Variants in PTPRM observed in about 807,000 individuals in gnomAD.
PTPRM encodes receptor-type tyrosine-protein phosphatase mu.
Under a neutral mutation model 186.7 loss-of-function variants are expected in PTPRM, and 47 were observed. The observed-to-expected ratio is 0.25, with a 90% confidence interval of 0.20 to 0.32. The LOEUF is 0.32. Ranked by LOEUF, PTPRM falls within the 10% of genes least tolerant of loss-of-function variation. PTPRM has a pLI of 1.00. For missense variants in PTPRM, 1,494 were observed against 1,865.0 expected (o/e 0.80, Z 3.66); for synonymous variants, 668 against 674.9 (o/e 0.99, Z 0.16).
In PTPRM at chr18:7,567,936, G is replaced by C. The variant is rs746197317; in HGVS notation, c.73+45G>C. 3 of 1,514,622 alleles carry C rather than the reference G, an allele frequency of 2.0e-6. No individual in the cohort carries two copies. The South Asian group carries it at 3.7e-5, about 19-fold the overall frequency. 93.8% of individuals were successfully genotyped at this position (1,514,622 alleles called of 1,614,324 possible). A position where few individuals can be genotyped will look rare whatever the true frequency, so the allele number is the denominator to read the frequency against. On this transcript the variant is annotated intron_variant, in intron 1 of 32. Coordinates refer to ENST00000580170, the MANE Select transcript of PTPRM (RefSeq NM_001105244.2). This position sits in a 1 kb window ranked among gnomAD's most constrained non-coding sequence, Gnocchi z 4.3. ...CCGCCCCCGAGGCGCGCGGGCCGGCGCGGGACGCCCGGGACGCCGACAGCT... is the reference window on the plus strand; with the variant it reads ...CCGCCCCCGAGGCGCGCGGGCCGGCCCGGGACGCCCGGGACGCCGACAGCT...
At chr18:8,099,155 CTCTT>C (rs1052685300) in intron 11 of PTPRM, among the ~76,000 whole-genome samples, 158 of 151,640 alleles carry the variant, frequency 1.0e-3, no homozygotes, top group African/African-American at 3.6e-3. Context: ...CTCTCTCTCT[CTCTT>C]TCTCTCTCTC....
intron 20 of PTPRM, among the ~76,000 whole-genome samples, chr18:8,311,248 G>A (rs999063484): frequency 1.3e-5 from 2 of 151,766 alleles, no homozygotes; most frequent in East Asian, 3.9e-4. Context: ...GGCAGAGGTT[G>A]CAATGAGCCG....
chr18:7,630,250 G>A (rs1347680015), intron 1 of PTPRM, among the ~76,000 whole-genome samples: 3 of 152,170 alleles, frequency 2.0e-5, no homozygotes, highest in Non-Finnish European at 2.9e-5. Context: ...AATGTCTGGT[G>A]GTGGAGAGGA....
intron 2 of PTPRM, among the ~76,000 whole-genome samples, chr18:7,839,345 C>CA (rs1400663339): frequency 6.6e-6 from 1 of 152,188 alleles, no homozygotes; most frequent in African/African-American, 2.4e-5. Flanking sequence ...AGGCCCTTGA[C>CA]ATAGCACCTC....
In PTPRM at chr18:8,370,465, T is replaced by C. The variant is rs1287245259; in HGVS notation, c.3055-425T>C. On this transcript the variant is annotated intron_variant, in intron 23 of 32. Coordinates refer to ENST00000580170, the MANE Select transcript of PTPRM (RefSeq NM_001105244.2). Reference sequence around the variant, plus strand: ...GAAAAAATATAATTCTAATCTTTAGTGTTCAATCTGATTTTCTGCCCACTC... The same window carrying C: ...GAAAAAATATAATTCTAATCTTTAGCGTTCAATCTGATTTTCTGCCCACTC... Among the ~76,000 whole-genome samples, 7 of 152,232 alleles carry C rather than the reference T, an allele frequency of 4.6e-5. No homozygotes were observed. The East Asian group carries it at 1.3e-3, about 29-fold the overall frequency.
chr18:8,166,316 C>T (rs7241418), intron 14 of PTPRM, among the ~76,000 whole-genome samples: 26,669 of 152,032 alleles, frequency 0.18, 2,920 homozygotes, highest in African/African-American at 0.31. Context: ...TTTCCCTGGG[C>T]TGCAGCCTCT....
At chr18:7,796,522 A>C (rs2043658028) in intron 2 of PTPRM, among the ~76,000 whole-genome samples, 1 of 152,194 alleles carries the variant, frequency 6.6e-6, no homozygotes, top group Non-Finnish European at 1.5e-5. Flanking sequence ...ACTCCACAGC[A>C]GGTCTGAGCA....
intron 17 of PTPRM, 149 bp downstream of exon 17, chr18:8,248,325 A>G (rs765391150): frequency 1.2e-6 from 1 of 802,662 alleles, no homozygotes; most frequent in East Asian, 2.4e-5. Flanking sequence ...TCATGGGGTT[A>G]AAGGAAAAAG....
chr18:8,317,163 G>A (rs35067279), intron 21 of PTPRM, among the ~76,000 whole-genome samples: 31,458 of 151,286 alleles, frequency 0.21, 3,517 homozygotes, highest in South Asian at 0.29. Flanking sequence ...AGAGGAAGCA[G>A]AGAAGCCTGC....
At chr18:8,116,130 C>T (rs1423356785) in intron 13 of PTPRM, among the ~76,000 whole-genome samples, 2 of 152,150 alleles carry the variant, frequency 1.3e-5, no homozygotes, top group African/African-American at 2.4e-5. Context: ...TATTACAGGA[C>T]GATGAAGCCC....
rs185176694 is a variant in PTPRM, at chr18:8,127,816, C to T, written c.2167+12989C>T. On this transcript the variant is annotated intron_variant, in intron 13 of 32. Transcript: ENST00000580170. The stretch of plus-strand genomic sequence containing the variant: ...GCTTTCACCCCCTAGGAGAGCTGGC[C>T]CTACCATGAGCTCTACATAAGAGAG... 3.4e-3 allele frequency among the ~76,000 whole-genome samples: 523 copies of T among 152,206 alleles called. 2 individuals are homozygous for T. Among genetic ancestry groups the T allele is most frequent in the African/African-American group, 0.011 (472 of 41,544 alleles).
chr18:8,187,001 C>T (rs193074948), intron 14 of PTPRM, among the ~76,000 whole-genome samples: 12 of 150,298 alleles, frequency 8.0e-5, no homozygotes, highest in African/African-American at 2.9e-4. Context: ...AGTGCAGTGG[C>T]TTGATCTTGG....
intron 2 of PTPRM, among the ~76,000 whole-genome samples, chr18:7,885,050 T>C (rs1015602487): frequency 6.6e-6 from 1 of 151,060 alleles, no homozygotes; most frequent in Non-Finnish European, 1.5e-5. Flanking sequence ...ACAAAAACAT[T>C]GACAAAACTA....
chr18:7,851,498 C>T (rs1436904177), intron 2 of PTPRM, among the ~76,000 whole-genome samples: 2 of 152,104 alleles, frequency 1.3e-5, no homozygotes, highest in African/African-American at 4.8e-5. Flanking sequence ...AGACTGAAAG[C>T]AGCCTCTCAG....
intron 1 of PTPRM, among the ~76,000 whole-genome samples, chr18:7,747,932 C>T (rs1314517977): frequency 6.6e-6 from 1 of 152,070 alleles, no homozygotes; most frequent in Non-Finnish European, 1.5e-5. Flanking sequence ...GTTTAAAAGC[C>T]TGTATTTGAG....
intron 29 of PTPRM, among the ~76,000 whole-genome samples, chr18:8,381,768 C>T (rs1243394429): frequency 2.6e-5 from 4 of 152,018 alleles, no homozygotes; most frequent in South Asian, 2.1e-4. Flanking sequence ...GTGGCACGGC[C>T]GAAATTTCAC....
intron 22 of PTPRM, among the ~76,000 whole-genome samples, chr18:8,329,674 G>A (rs1276354124): frequency 2.0e-5 from 3 of 151,216 alleles, no homozygotes; most frequent in Admixed American, 1.3e-4. Flanking sequence ...ATCAGCACAC[G>A]ATCCGGAATA....
intron 2 of PTPRM, among the ~76,000 whole-genome samples, chr18:7,788,397 TG>T (rs1232348411): frequency 6.6e-6 from 1 of 152,218 alleles, no homozygotes; most frequent in Non-Finnish European, 1.5e-5. Context: ...TGGAAAAATA[TG>T]AAAGTATGAG....
chr18:7,806,671 G>A (rs759895767), intron 2 of PTPRM, among the ~76,000 whole-genome samples: 4 of 152,198 alleles, frequency 2.6e-5, no homozygotes, highest in African/African-American at 4.8e-5. Flanking sequence ...TCTGTGGAGC[G>A]CAGGCACTGC....
Sources: gnomAD v4.1 joint callset for allele counts (sites outside exome capture counted in the v4.1 genomes callset) on GRCh38, gnomAD v4.1.1 for gene constraint, Gnocchi (gnomAD v3.1) non-coding constraint, MANE v1.5 for transcripts, NCBI Gene and HGNC (gene_info 2026-07-23, HGNC 2026-07-21) for gene names.